HTT-AS: variants seen among roughly 807,000 people sequenced by gnomAD.
HTT-AS encodes the protein HTT antisense RNA (head to head).
exon 1 of HTT-AS, chr4:3,074,516 T>G: frequency 1.1e-5 from 3 of 276,708 alleles, no homozygotes; most frequent in Non-Finnish European, 1.3e-5. Context: ...GGCCTTGCTG[T>G]GTGAGGCAGA....
At chr4:3,055,480 T>C (rs1044032283) in intron 2 of HTT-AS, among the ~76,000 whole-genome samples, 2 of 152,170 alleles carry the variant, frequency 1.3e-5, no homozygotes, top group African/African-American at 4.8e-5. Flanking sequence ...CTCCTTTGGA[T>C]TGCGATAGTA....
At chr4:3,072,762 G>A (rs1028067361) in intron 1 of HTT-AS, among the ~76,000 whole-genome samples, 1 of 152,070 alleles carries the variant, frequency 6.6e-6, no homozygotes, top group South Asian at 2.1e-4. Flanking sequence ...GGAATAGCTG[G>A]GACTACAGGC....
exon 1 of HTT-AS, chr4:3,074,502 C>T: frequency 3.8e-6 from 1 of 263,074 alleles, no homozygotes; most frequent in Non-Finnish European, 7.0e-6. Context: ...GCTGCGCTGT[C>T]AGCGGCCTTG....
intron 2 of HTT-AS, among the ~76,000 whole-genome samples, chr4:3,056,202 C>T (rs543417850): frequency 2.9e-3 from 441 of 152,228 alleles, no homozygotes; most frequent in Non-Finnish European, 5.5e-3. Flanking sequence ...AAACTTCAGC[C>T]GAATTAAATT....
downstream of HTT-AS, among the ~76,000 whole-genome samples, chr4:3,046,662 C>T (rs1391977830): frequency 1.3e-5 from 2 of 152,200 alleles, no homozygotes; most frequent in Admixed American, 1.3e-4. Context: ...CTCTGAGAAA[C>T]AGTAGAACAG....
intron 1 of HTT-AS, among the ~76,000 whole-genome samples, chr4:3,066,275 T>C (rs2110124116): frequency 6.6e-6 from 1 of 152,230 alleles, no homozygotes; most frequent in Non-Finnish European, 1.5e-5. Context: ...GTTCAAGCGA[T>C]TCTCCTGCCT....
intron 1 of HTT-AS, among the ~76,000 whole-genome samples, chr4:3,064,102 T>G (rs575754736): frequency 1.3e-5 from 2 of 150,594 alleles, no homozygotes; most frequent in African/African-American, 4.9e-5. Flanking sequence ...TAAAGTTTTT[T>G]TTTTTTTTTT....
chr4:3,055,170 C>T (rs939407609), intron 2 of HTT-AS, among the ~76,000 whole-genome samples: 7 of 151,946 alleles, frequency 4.6e-5, no homozygotes, highest in East Asian at 2.0e-4. Context: ...TGGTGGCGGG[C>T]GCCTGTAGTC....
At chr4:3,057,280 G>A (rs377377494) in intron 2 of HTT-AS, among the ~76,000 whole-genome samples, 9 of 152,164 alleles carry the variant, frequency 5.9e-5, no homozygotes, top group African/African-American at 1.4e-4. Flanking sequence ...TGATCTGCCC[G>A]CCTCGGCCTC....
At chr4:3,049,898 G>T (rs13144633) in intron 2 of HTT-AS, among the ~76,000 whole-genome samples, 13,402 of 143,158 alleles carry the variant, frequency 0.094, 791 homozygotes, top group African/African-American at 0.17. Flanking sequence ...TTAGCAATTT[G>T]TAAGTTATCA....
chr4:3,072,727 T>A (rs368175589), intron 1 of HTT-AS, among the ~76,000 whole-genome samples: 40 of 152,104 alleles, frequency 2.6e-4, no homozygotes, highest in African/African-American at 9.2e-4. Flanking sequence ...ACCTCCCAGG[T>A]TCAAGCAATT....
chr4:3,068,272 C>G (rs983837066), intron 1 of HTT-AS, among the ~76,000 whole-genome samples: 6 of 135,926 alleles, frequency 4.4e-5, no homozygotes, highest in Non-Finnish European at 7.6e-5. Context: ...TGCCACTGCA[C>G]TCCAGCCTGG....
intron 2 of HTT-AS, among the ~76,000 whole-genome samples, chr4:3,060,585 A>T (rs1711906081): frequency 6.6e-6 from 1 of 152,236 alleles, no homozygotes; most frequent in Non-Finnish European, 1.5e-5. Flanking sequence ...CTTTTCAATG[A>T]AAAGCAGCCC....
intron 1 of HTT-AS, among the ~76,000 whole-genome samples, chr4:3,072,642 A>G (rs781595481): frequency 6.6e-6 from 1 of 152,040 alleles, no homozygotes; most frequent in Non-Finnish European, 1.5e-5. Flanking sequence ...TTATTTATTT[A>G]TTTTTGAGAC....
At position 3,061,943 on chromosome 4, in the gene HTT-AS, C is replaced by T. The variant is rs148719250; in HGVS notation, n.1380+491G>A. On this transcript the variant is annotated intron_variant and non_coding_transcript_variant, in intron 2 of 2. Coordinates refer to ENST00000664062, the Ensembl canonical transcript of HTT-AS. ...CTTGCAGTGAGCCGAGATCACACCA[C>T]TGCACTCCAGCCCGGACGACAGGGC... Among the ~76,000 whole-genome samples, 261 of 143,890 alleles carry T rather than the reference C, an allele frequency of 1.8e-3. 3 individuals carry two copies. The highest frequency in any genetic ancestry group is 5.9e-3 in the African/African-American group (228 of 38,528). The allele number at this position is 143,890 out of a possible 152,430, so 94.4% of individuals were successfully genotyped here.
At chr4:3,058,174 A>C (rs1711845301) in intron 2 of HTT-AS, among the ~76,000 whole-genome samples, 2 of 151,898 alleles carry the variant, frequency 1.3e-5, no homozygotes, top group African/African-American at 4.8e-5. Context: ...TAAAAATAAA[A>C]AATTAGCTGG....
At chr4:3,047,283 C>T (rs566645547), downstream of HTT-AS, among the ~76,000 whole-genome samples, 47 of 152,192 alleles carry the variant, frequency 3.1e-4, no homozygotes, top group African/African-American at 1.1e-3. Flanking sequence ...TGCCCTCCAG[C>T]CTGGGTGACA....
intron 1 of HTT-AS, among the ~76,000 whole-genome samples, chr4:3,064,754 C>A (rs538420463): frequency 6.6e-6 from 1 of 152,292 alleles, no homozygotes; most frequent in African/African-American, 2.4e-5. Flanking sequence ...TTTGAATGGG[C>A]TTGAAATATT....
exon 3 of HTT-AS, among the ~76,000 whole-genome samples, chr4:3,049,230 C>T (rs1362544237): frequency 6.6e-6 from 1 of 152,082 alleles, no homozygotes; most frequent in African/African-American, 2.4e-5. Context: ...TCAAAACCAG[C>T]CTGGCCAACT....
Sources: allele counts gnomAD v4.1 joint callset (sites outside exome capture counted in the v4.1 genomes callset), GRCh38; gene constraint gnomAD v4.1.1; transcripts MANE v1.5; gene names NCBI Gene and HGNC (gene_info 2026-07-23, HGNC 2026-07-21).